The following SLC2A9 variants were observed in gnomAD, a reference collection of about 807,000 sequenced individuals.
SLC2A9 encodes the protein solute carrier family 2, facilitated glucose transporter member 9.
In SLC2A9, 39 loss-of-function variants were observed where a neutral mutation model predicts 50.6. That is an observed-to-expected ratio of 0.77 (90% CI 0.60 to 1.01). SLC2A9 has a LOEUF of 1.01. Among genes scored for constraint, SLC2A9 ranks in the 50% least tolerant of loss-of-function variants. The pLI is 0.00. For missense variants in SLC2A9, 686 were observed against 677.6 expected, an observed-to-expected ratio of 1.01 and a Z score of -0.14; for synonymous variants, 324 against 276.9, an observed-to-expected ratio of 1.17 and a Z score of -1.69.
chr4:9,968,835 A>G (rs1359420713), intron 5 of SLC2A9, among the ~76,000 whole-genome samples: 1 of 152,130 alleles, frequency 6.6e-6, no homozygotes, highest in Non-Finnish European at 1.5e-5. Context: ...TGTTGCCTTT[A>G]CTAAATTTTT....
intron 10 of SLC2A9, among the ~76,000 whole-genome samples, chr4:9,886,362 T>C (rs1231244841): frequency 6.6e-6 from 1 of 152,070 alleles, no homozygotes; most frequent in Non-Finnish European, 1.5e-5. Context: ...TCTAATTCGC[T>C]GCCCTGCCTG....
chr4:9,783,204 A>T (rs1718740049), intron 3 of SLC2A9: 1 of 1,614,162 alleles, frequency 6.2e-7, no homozygotes, highest in Non-Finnish European at 8.5e-7. Context: ...ATCAGCAATG[A>T]GCTCATCTCC....
At position 10,039,183 on chromosome 4, in the gene SLC2A9, G is replaced by C. The variant is rs1369361640; in HGVS notation, c.-41+947C>G. On this transcript the variant is annotated intron_variant, in intron 1 of 12. Transcript: ENST00000309065. ...AATGGACCTGGAATGTCCCTTAACAGTTTTCAGTAGAACTGCCTTACTCAG... is the reference window on the plus strand; with the variant it reads ...AATGGACCTGGAATGTCCCTTAACACTTTTCAGTAGAACTGCCTTACTCAG... 2.0e-5 allele frequency among the ~76,000 whole-genome samples: 3 copies of C among 152,222 alleles called. No homozygotes were observed. In the East Asian group the frequency reaches 5.8e-4, roughly 29 times the overall value.
intron 10 of SLC2A9, chr4:9,879,832 C>T: frequency 1.0e-6 from 1 of 985,394 alleles, no homozygotes; most frequent in Non-Finnish European, 1.2e-6. Context: ...TTTTATTTTG[C>T]CTCATTTATT....
chr4:9,785,230 G>C (rs1719067697), intron 3 of SLC2A9, among the ~76,000 whole-genome samples: 2 of 152,186 alleles, frequency 1.3e-5, no homozygotes, highest in South Asian at 4.1e-4. Flanking sequence ...TAAATGGAAA[G>C]ACTTCAACTA....
chr4:9,950,115 C>T (rs777572127), intron 5 of SLC2A9, among the ~76,000 whole-genome samples: 6 of 152,174 alleles, frequency 3.9e-5, no homozygotes, highest in Non-Finnish European at 7.3e-5. Flanking sequence ...CACACCTGAC[C>T]CCACAGAGTA....
intron 8 of SLC2A9, among the ~76,000 whole-genome samples, chr4:9,892,056 T>C (rs946235097): frequency 1.3e-5 from 2 of 152,220 alleles, no homozygotes; most frequent in Non-Finnish European, 2.9e-5. Flanking sequence ...TGTTCCTCTT[T>C]CCTCATACCC....
chr4:9,881,713 G>T (rs1459874909), intron 10 of SLC2A9, among the ~76,000 whole-genome samples: 1 of 152,184 alleles, frequency 6.6e-6, no homozygotes, highest in Non-Finnish European at 1.5e-5. Context: ...GTGAGGCAGT[G>T]GGTTCCCTGT....
intron 2 of SLC2A9, among the ~76,000 whole-genome samples, chr4:10,007,010 G>T (rs1760905777): frequency 6.6e-6 from 1 of 152,166 alleles, no homozygotes; most frequent in Admixed American, 6.5e-5. Context: ...TCTGCTAGAA[G>T]AGTTCTTTGG....
At chr4:9,828,245 T>C (rs1271441826) in intron 11 of SLC2A9, among the ~76,000 whole-genome samples, 1 of 152,236 alleles carries the variant, frequency 6.6e-6, no homozygotes, top group East Asian at 1.9e-4. Flanking sequence ...ATTCCAAATC[T>C]GAGGGTTTGT....
chr4:9,833,549 T>C (rs1162885659), intron 11 of SLC2A9, among the ~76,000 whole-genome samples: 2 of 152,104 alleles, frequency 1.3e-5, no homozygotes, highest in Non-Finnish European at 2.9e-5. Context: ...CAGAAAGCCA[T>C]GCATGGGGGA....
chr4:9,785,483 CT>C (rs1190911521), intron 3 of SLC2A9, among the ~76,000 whole-genome samples: 1 of 152,222 alleles, frequency 6.6e-6, no homozygotes, highest in Non-Finnish European at 1.5e-5. Context: ...ATAGTCACGA[CT>C]TGAGAAACTC....
intron 5 of SLC2A9, among the ~76,000 whole-genome samples, chr4:9,947,697 ACT>A (rs1428606741): frequency 2.0e-5 from 3 of 151,474 alleles, no homozygotes; most frequent in Admixed American, 6.6e-5. Flanking sequence ...CCTTTATCAA[ACT>A]CTCACACTCT....
chr4:9,844,468 C>A (rs1282616862), intron 10 of SLC2A9, among the ~76,000 whole-genome samples: 1 of 152,208 alleles, frequency 6.6e-6, no homozygotes, highest in Non-Finnish European at 1.5e-5. Context: ...ATTTTTCCTT[C>A]AGAAATGTTC....
At chr4:9,866,471 C>A (rs1732486190) in intron 10 of SLC2A9, among the ~76,000 whole-genome samples, 2 of 148,826 alleles carry the variant, frequency 1.3e-5, no homozygotes, top group Non-Finnish European at 3.0e-5. Flanking sequence ...TTGCTTCCTT[C>A]CTGCTCTCTT....
At chr4:9,936,423 C>T (rs944433530) in intron 6 of SLC2A9, among the ~76,000 whole-genome samples, 1 of 152,172 alleles carries the variant, frequency 6.6e-6, no homozygotes, top group Non-Finnish European at 1.5e-5. Flanking sequence ...TCAGCTAACC[C>T]TGGGCCACAT....
At chr4:9,837,386 G>C (rs908189482) in intron 10 of SLC2A9, among the ~76,000 whole-genome samples, 5 of 152,178 alleles carry the variant, frequency 3.3e-5, no homozygotes, top group Non-Finnish European at 1.5e-5. Context: ...CACTCAGTTG[G>C]TCCTGCAGCT....
At chr4:9,894,632 T>C (rs1305739419) in intron 8 of SLC2A9, among the ~76,000 whole-genome samples, 1 of 152,218 alleles carries the variant, frequency 6.6e-6, no homozygotes, top group Non-Finnish European at 1.5e-5. Flanking sequence ...CATAACTGTG[T>C]AAAATATGGT....
At chr4:9,838,243 G>A (rs1440554651) in intron 10 of SLC2A9, among the ~76,000 whole-genome samples, 4 of 152,096 alleles carry the variant, frequency 2.6e-5, no homozygotes, top group African/African-American at 2.4e-5. Flanking sequence ...TGATGATGAC[G>A]ATGGTGCTTC....
Sources: allele counts gnomAD v4.1 joint callset (sites outside exome capture counted in the v4.1 genomes callset), GRCh38; gene constraint gnomAD v4.1.1; transcripts MANE v1.5; gene names NCBI Gene and HGNC (gene_info 2026-07-23, HGNC 2026-07-21).